The following FSHR variants were observed in gnomAD, a reference collection of about 807,000 sequenced individuals.
The protein encoded by FSHR is follicle-stimulating hormone receptor.
Under a neutral mutation model 52.1 loss-of-function variants are expected in FSHR, and 46 were observed. The observed-to-expected ratio is 0.88, with a 90% CI of 0.70 to 1.13. The LOEUF (loss-of-function observed/expected upper bound fraction) is 1.13, where lower values mean the gene tolerates loss of function less well. Among genes scored for constraint, FSHR ranks in the 50% most tolerant of loss-of-function variants. The pLI is 0.00. For missense variants in FSHR, 964 were observed against 834.6 expected, an observed-to-expected ratio of 1.16 and a Z score of -1.91; for synonymous variants, 399 against 309.6, an observed-to-expected ratio of 1.29 and a Z score of -3.03.
intron 1 of FSHR, among the ~76,000 whole-genome samples, chr2:49,137,435 G>C (rs1330163934): frequency 6.6e-6 from 1 of 152,080 alleles, no homozygotes; most frequent in Non-Finnish European, 1.5e-5. Flanking sequence ...TCTATAGGTT[G>C]AGTGCAATCC....
intron 1 of FSHR, among the ~76,000 whole-genome samples, chr2:49,107,929 C>A (rs17038232): frequency 0.03 from 4,630 of 152,240 alleles, 215 homozygotes; most frequent in African/African-American, 0.1. Flanking sequence ...TACCTGGACA[C>A]ATCAATAGTA....
chr2:49,044,369 CTT>C (rs1668583813), intron 2 of FSHR, among the ~76,000 whole-genome samples: 1 of 152,176 alleles, frequency 6.6e-6, no homozygotes, highest in African/African-American at 2.4e-5. Flanking sequence ...ATACACCACA[CTT>C]AAAATTGGAG....
intron 1 of FSHR, among the ~76,000 whole-genome samples, chr2:49,102,892 G>T (rs565170033): frequency 6.6e-6 from 1 of 152,180 alleles, no homozygotes; most frequent in Non-Finnish European, 1.5e-5. Flanking sequence ...GATCAAGGAT[G>T]GAAAGGCATC....
chr2:49,127,244 C>T (rs1672034815), intron 1 of FSHR, among the ~76,000 whole-genome samples: 1 of 151,790 alleles, frequency 6.6e-6, no homozygotes, highest in African/African-American at 2.4e-5. Flanking sequence ...AGGAGAATCG[C>T]TTGAACCTGG....
chr2:48,963,113 T>TC lies in FSHR; in HGVS notation c.1707dup (p.Ile570AspfsTer12), dbSNP rs750536074. ...ATGAGCATGGCCATGCGCTTGGCGATCCTGGTGTCACTAGAGGAGGACACG... is the reference window on the plus strand; with the variant it reads ...ATGAGCATGGCCATGCGCTTGGCGATCCCTGGTGTCACTAGAGGAGGACACG... On this transcript the variant is annotated frameshift_variant, in exon 10 of 10. Coordinates refer to ENST00000406846, the MANE Select transcript of FSHR (RefSeq NM_000145.4). LOFTEE classifies it high-confidence loss of function. The TC allele has an allele frequency of 6.2e-7, 1 of 1,614,030 alleles. No homozygotes were observed. The highest frequency in any genetic ancestry group is 8.5e-7 in the Non-Finnish European group (1 of 1,179,982).
intron 4 of FSHR, among the ~76,000 whole-genome samples, chr2:48,997,830 C>T (rs930536461): frequency 4.6e-5 from 7 of 152,090 alleles, no homozygotes; most frequent in Non-Finnish European, 8.8e-5. Context: ...CCCTGTGGGA[C>T]TTATATGACA....
At chr2:48,981,749 C>T (rs868289415) in intron 8 of FSHR, among the ~76,000 whole-genome samples, 6 of 152,174 alleles carry the variant, frequency 3.9e-5, no homozygotes, top group African/African-American at 1.2e-4. Flanking sequence ...TAGAGGTACA[C>T]AGGTTCCAGC....
rs1425713286 is a variant in FSHR, at chr2:49,058,708, A to G, written c.224+9511T>C. On this transcript the variant is annotated intron_variant, in intron 2 of 9. Transcript: ENST00000406846. ...GAAGCCCATTCCATTTACAAAAACT[A>G]CAAAACAAAACAAAACCCTATGAAT... 8.0e-4 allele frequency among the ~76,000 whole-genome samples: 121 copies of G among 151,370 alleles called. 1 individual carries two copies. Among genetic ancestry groups the G allele is most frequent in the Non-Finnish European group, 1.9e-4 (13 of 67,416 alleles).
At chr2:49,104,342 C>A (rs1671149593) in intron 1 of FSHR, among the ~76,000 whole-genome samples, 1 of 152,064 alleles carries the variant, frequency 6.6e-6, no homozygotes, top group African/African-American at 2.4e-5. Context: ...ATAGGTGATG[C>A]CACAGAGAGG....
chr2:49,068,934 TC>T, intron 1 of FSHR, among the ~76,000 whole-genome samples: 1 of 152,192 alleles, frequency 6.6e-6, no homozygotes. Context: ...TTCACCTTTT[TC>T]CCCTTCTTTC....
At chr2:49,096,056 G>A (rs1164112877) in intron 1 of FSHR, among the ~76,000 whole-genome samples, 1 of 152,158 alleles carries the variant, frequency 6.6e-6, no homozygotes, top group Admixed American at 6.6e-5. Flanking sequence ...CAAACACTTT[G>A]ATAGTTCCTC....
intron 2 of FSHR, among the ~76,000 whole-genome samples, chr2:49,061,886 A>T (rs1669323398): frequency 6.8e-6 from 1 of 147,262 alleles, no homozygotes; most frequent in Admixed American, 6.9e-5. Flanking sequence ...TTTATCTCCA[A>T]ACCTGGAGCA....
At chr2:49,138,085 G>A (rs1672549729) in intron 1 of FSHR, among the ~76,000 whole-genome samples, 1 of 152,072 alleles carries the variant, frequency 6.6e-6, no homozygotes, top group Non-Finnish European at 1.5e-5. Context: ...ATTTAGGGGA[G>A]AGATATAAAT....
At chr2:49,094,313 A>G (rs942560810) in intron 1 of FSHR, among the ~76,000 whole-genome samples, 1 of 152,160 alleles carries the variant, frequency 6.6e-6, no homozygotes, top group Non-Finnish European at 1.5e-5. Flanking sequence ...ATTGCATCAG[A>G]TAAGGTTATT....
chr2:49,017,618 A>G (rs1430016719), intron 3 of FSHR, 55 bp from the exon 4 acceptor site: 1 of 1,278,644 alleles, frequency 7.8e-7, no homozygotes, highest in African/African-American at 1.5e-5. Flanking sequence ...ATGCTGTAGT[A>G]TTTTTCACAT....
chr2:49,067,456 G>T (rs927064962), intron 2 of FSHR, among the ~76,000 whole-genome samples: 6 of 151,994 alleles, frequency 3.9e-5, no homozygotes, highest in Non-Finnish European at 5.9e-5. Flanking sequence ...TATATACTCT[G>T]TCTATTCATT....
Position 48,989,707 on chromosome 2 carries a change from C to G in FSHR, c.447-653G>C, listed in dbSNP as rs371271192. ...TTGGGCCTTCTCCTCATGTCAATCCCCTTCTTACAGCTAGTTTCCTTCTGC... is the reference window on the plus strand; with the variant it reads ...TTGGGCCTTCTCCTCATGTCAATCCGCTTCTTACAGCTAGTTTCCTTCTGC... On this transcript the variant is annotated intron_variant, in intron 5 of 9. Transcript: ENST00000406846. Among the ~76,000 whole-genome samples the G allele has an allele frequency of 3.5e-4, 54 of 152,250 alleles. No individual in the cohort carries two copies. In the South Asian group the frequency reaches 9.5e-3, roughly 27 times the overall value.
At chr2:49,013,755 A>C (rs1410866739) in intron 4 of FSHR, among the ~76,000 whole-genome samples, 1 of 151,642 alleles carries the variant, frequency 6.6e-6, no homozygotes, top group African/African-American at 2.4e-5. Flanking sequence ...AGAATTATAT[A>C]ACTGCAATGA....
At chr2:48,977,894 G>C (rs1675064018) in intron 8 of FSHR, among the ~76,000 whole-genome samples, 1 of 152,058 alleles carries the variant, frequency 6.6e-6, no homozygotes, top group South Asian at 2.1e-4. Flanking sequence ...GTTGTGGACT[G>C]GTGTTTTTAA....
Sources: allele counts gnomAD v4.1 joint callset (sites outside exome capture counted in the v4.1 genomes callset), GRCh38; gene constraint gnomAD v4.1.1; transcripts MANE v1.5; gene names NCBI Gene and HGNC (gene_info 2026-07-23, HGNC 2026-07-21).